SS18L2: variants seen among roughly 807,000 people sequenced by gnomAD.
SS18L2 encodes the protein SS18-like protein 2.
In SS18L2, 8 loss-of-function variants were observed where a neutral mutation model predicts 10.3. That is an observed-to-expected ratio of 0.78 (90% confidence interval 0.46 to 1.41). The LOEUF is 1.41. Ranked by LOEUF, SS18L2 falls within the 40% of genes most tolerant of loss-of-function variation. The probability of loss-of-function intolerance (pLI) is 0.00; values close to 1 mark genes in which losing one functional copy is unlikely to be tolerated. For missense variants in SS18L2, 100 were observed against 96.2 expected (o/e 1.04, Z -0.17); for synonymous variants, 41 against 34.6 (o/e 1.19, Z -0.65).
chr3:42,586,752 T>G (rs1704624431), upstream of SS18L2, among the ~76,000 whole-genome samples: 1 of 152,228 alleles, frequency 6.6e-6, no homozygotes, highest in Admixed American at 6.5e-5. Flanking sequence ...CCAGTCAGTT[T>G]CTACAAGTGA....
intron 1 of SS18L2, chr3:42,582,341 G>A (rs1052089174): frequency 1.3e-5 from 2 of 152,366 alleles, no homozygotes; most frequent in Admixed American, 6.5e-5. Flanking sequence ...AACGCCCGGG[G>A]CGTATGTTCT....
chr3:42,584,923 C>T (rs1704562539), intron 1 of SS18L2, among the ~76,000 whole-genome samples: 1 of 151,880 alleles, frequency 6.6e-6, no homozygotes, highest in Non-Finnish European at 1.5e-5. Context: ...ATCACGAGGT[C>T]AGGGACCAGC....
At chr3:42,584,261 C>A (rs369606699) in intron 1 of SS18L2, among the ~76,000 whole-genome samples, 5 of 152,242 alleles carry the variant, frequency 3.3e-5, no homozygotes, top group African/African-American at 1.2e-4. Flanking sequence ...GGGCTGAACA[C>A]AGACTTTTTT....
At chr3:42,583,698 C>T (rs2125733981) in intron 1 of SS18L2, among the ~76,000 whole-genome samples, 1 of 152,206 alleles carries the variant, frequency 6.6e-6, no homozygotes, top group East Asian at 1.9e-4. Context: ...GAAGATCTGT[C>T]CTCATCTAAT....
chr3:42,588,298 G>A (rs80072333), upstream of SS18L2, among the ~76,000 whole-genome samples: 7 of 151,938 alleles, frequency 4.6e-5, no homozygotes, highest in South Asian at 4.2e-4. Context: ...CAGACTACTC[G>A]GGAGGCTGAG....
At chr3:42,590,718 G>C, upstream of SS18L2, 1 of 684,772 alleles carries the variant, frequency 1.5e-6, no homozygotes, top group East Asian at 2.6e-5. Context: ...AACGCCCCCG[G>C]CGTTCTGGGG....
At chr3:42,593,412 G>A (rs1276071351) in intron 2 of SS18L2, among the ~76,000 whole-genome samples, 5 of 152,106 alleles carry the variant, frequency 3.3e-5, no homozygotes, top group African/African-American at 1.2e-4. Flanking sequence ...GCAAGACTCC[G>A]TCTCAATAAA....
chr3:42,586,114 A>G (rs1704601913), upstream of SS18L2, among the ~76,000 whole-genome samples: 1 of 152,036 alleles, frequency 6.6e-6, no homozygotes, highest in South Asian at 2.1e-4. Flanking sequence ...TGAACACTCC[A>G]TTGCTTCACC....
chr3:42,584,705 C>A (rs1190752683), intron 1 of SS18L2, among the ~76,000 whole-genome samples: 1 of 152,156 alleles, frequency 6.6e-6, no homozygotes, highest in East Asian at 1.9e-4. Flanking sequence ...GGGATTTATA[C>A]CCTTGTGTAG....
chr3:42,594,141 A>T (rs586082), intron 2 of SS18L2, among the ~76,000 whole-genome samples: 1 of 152,052 alleles, frequency 6.6e-6, no homozygotes, highest in Non-Finnish European at 1.5e-5. Flanking sequence ...TCAGGCTGTT[A>T]TGTGGAGAAT....
Position 42,596,131 on chromosome 3 carries a change from C to T in SS18L2, c.*1622C>T, listed in dbSNP as rs1463868639. Among the ~76,000 whole-genome samples, 3 of 151,940 alleles carry T rather than the reference C, an allele frequency of 2.0e-5. No individual in the cohort carries two copies. The highest frequency in any genetic ancestry group is 4.4e-5 in the Non-Finnish European group (3 of 68,004). The stretch of plus-strand genomic sequence containing the variant: ...CTACCTCCTGGGTTCAAGTGATTCT[C>T]CTGCCTCAGCCTCCCAAGTAGCTGG... On this transcript the variant is annotated 3_prime_UTR_variant, in exon 3 of 3. Transcript: ENST00000011691.
At chr3:42,588,057 G>A (rs974207755), upstream of SS18L2, among the ~76,000 whole-genome samples, 1 of 148,474 alleles carries the variant, frequency 6.7e-6, no homozygotes, top group African/African-American at 2.5e-5. Context: ...TGGGCAACAA[G>A]AGTGAAACTG....
In SS18L2 at chr3:42,594,642, C is replaced by T. The variant is rs1405836927; in HGVS notation, c.*133C>T. ...TAAAACATGAATGAAACCTCTGTGGCTCTTTCGAAACGTGAAAATGTGAAG... is the reference window on the plus strand; with the variant it reads ...TAAAACATGAATGAAACCTCTGTGGTTCTTTCGAAACGTGAAAATGTGAAG... On this transcript the variant is annotated 3_prime_UTR_variant, in exon 3 of 3. Coordinates refer to ENST00000011691, the MANE Select transcript of SS18L2 (RefSeq NM_001370300.1). The T allele has an allele frequency of 1.5e-6, 1 of 678,464 alleles. No homozygotes were observed. The highest frequency in any genetic ancestry group is 2.7e-5 in the East Asian group (1 of 37,614). The allele number at this position is 678,464 out of a possible 1,614,324, so 42.0% of individuals were successfully genotyped here.
upstream of SS18L2, chr3:42,590,700 G>T: frequency 1.6e-6 from 1 of 640,264 alleles, no homozygotes; most frequent in South Asian, 1.8e-5. Context: ...AAGCGCAAAG[G>T]ATACGAAAAC....
rs1309006997 is a variant in SS18L2, at chr3:42,594,922, T to C, written c.*413T>C. 1.9e-5 allele frequency: 3 copies of C among 154,122 alleles called. No homozygotes were observed. The highest frequency in any genetic ancestry group is 7.2e-5 in the African/African-American group (3 of 41,496). The allele number at this position is 154,122 out of a possible 1,614,324, so 9.5% of individuals were successfully genotyped here. On this transcript the variant is annotated 3_prime_UTR_variant, in exon 3 of 3. Transcript: ENST00000011691. Reference sequence around the variant, plus strand: ...ACATGTAACTGTGTGCTCCTTCCTATCAGTTTGTAAATGTGGTCCCCCTGA... The same window carrying C: ...ACATGTAACTGTGTGCTCCTTCCTACCAGTTTGTAAATGTGGTCCCCCTGA...
intron 2 of SS18L2, among the ~76,000 whole-genome samples, chr3:42,592,822 C>T (rs1374215497): frequency 6.6e-6 from 1 of 152,110 alleles, no homozygotes; most frequent in Non-Finnish European, 1.5e-5. Context: ...ACAGGCCATG[C>T]TTTCTGAGCC....
upstream of SS18L2, among the ~76,000 whole-genome samples, chr3:42,589,829 G>A (rs914986614): frequency 1.3e-5 from 2 of 152,206 alleles, no homozygotes; most frequent in Non-Finnish European, 2.9e-5. Context: ...GGGACCACTG[G>A]TCTAGAAGAC....
chr3:42,586,474 C>T (rs965053537), upstream of SS18L2, among the ~76,000 whole-genome samples: 5 of 151,998 alleles, frequency 3.3e-5, no homozygotes, highest in Non-Finnish European at 5.9e-5. Context: ...CTGCCTACCT[C>T]GGCCTCCCAA....
upstream of SS18L2, among the ~76,000 whole-genome samples, chr3:42,589,259 A>C (rs1468087110): frequency 2.0e-5 from 3 of 151,350 alleles, no homozygotes; most frequent in Non-Finnish European, 4.4e-5. Flanking sequence ...ACAGAGCGAG[A>C]CTCTGTCTCA....
Sources: gnomAD v4.1 joint callset for allele counts (sites outside exome capture counted in the v4.1 genomes callset) on GRCh38, gnomAD v4.1.1 for gene constraint, MANE v1.5 for transcripts, NCBI Gene and HGNC (gene_info 2026-07-23, HGNC 2026-07-21) for gene names.